Variants in CHGA observed in about 807,000 individuals in gnomAD.
The protein encoded by CHGA is chromogranin A, also known as chromogranin-A.
CHGA carries 41 observed loss-of-function variants against 54.4 expected under a neutral mutation model. That is an observed-to-expected ratio of 0.75 (90% CI 0.59 to 0.98). CHGA has a LOEUF of 0.98. Ranked by LOEUF, CHGA falls within the 50% of genes least tolerant of loss-of-function variation. CHGA has a pLI of 0.00. For synonymous variants in CHGA, 249 were observed against 232.8 expected (o/e 1.07, Z -0.63); for missense variants, 576 against 582.3 (o/e 0.99, Z 0.11).
In CHGA at chr14:92,931,359, G is replaced by A. The variant is rs779208725; in HGVS notation, c.465G>A (p.Pro155=). The A allele has an allele frequency of 1.1e-5, 18 of 1,613,366 alleles. No individual in the cohort carries two copies. Among genetic ancestry groups the A allele is most frequent in the Admixed American group, 1.7e-5 (1 of 59,990 alleles). ...ACGGAGCCAGGCCCCAGGCCCTCCC[G>A]GAGCCCATGCAGGAGTCCAAGGCTG... is the stretch of plus-strand genomic sequence containing the variant. ...ATDGARPQAL[P]EPMQESKAEG... Residue 155 remains proline (P), a synonymous_variant, in exon 6 of 8, where the codon CCG becomes CCA. Coordinates refer to ENST00000216492, the MANE Select transcript of CHGA (RefSeq NM_001275.4).
In CHGA at chr14:92,934,885, G is replaced by C. The variant is rs766816484; in HGVS notation, c.*1G>C. ...GCTGCAGGCACTACGGCGGGGCTGAGACACCGGCTGGCAGGGCTGGCCCCA... is the reference window on the plus strand; with the variant it reads ...GCTGCAGGCACTACGGCGGGGCTGACACACCGGCTGGCAGGGCTGGCCCCA... On this transcript the variant is annotated 3_prime_UTR_variant, in exon 8 of 8. Coordinates refer to ENST00000216492, the MANE Select transcript of CHGA (RefSeq NM_001275.4). The C allele has an allele frequency of 6.4e-7, 1 of 1,559,402 alleles. No individual in the cohort carries two copies. The highest frequency in any genetic ancestry group is 1.2e-5 in the South Asian group (1 of 83,430).
chr14:92,931,730 A>G (rs1887003500), intron 6 of CHGA, 28 bp downstream of exon 6: 1 of 1,536,440 alleles, frequency 6.5e-7, no homozygotes, highest in Non-Finnish European at 8.8e-7. Context: ...GACCTCAACG[A>G]ACGTGTCTGG....
intron 2 of CHGA, 55 bp from the exon 3 acceptor site, chr14:92,926,550 G>A (rs1173272988): frequency 1.4e-6 from 2 of 1,460,852 alleles, no homozygotes; most frequent in East Asian, 4.5e-5. Context: ...GAGCCTCCAG[G>A]GACTGAGCCC....
At position 92,932,631 on chromosome 14, in the gene CHGA, G is replaced by A. The variant is rs767989572; in HGVS notation, c.1070G>A (p.Arg357Gln). The A allele has an allele frequency of 6.0e-5, 95 of 1,592,516 alleles. No individual in the cohort carries two copies. In the Middle Eastern group the frequency reaches 8.4e-4, roughly 14 times the overall value. ...QLAKELTAEK[R>Q]LEGQEEEEDN... The stretch of plus-strand genomic sequence containing the variant: ...GCCAAGGAGCTGACGGCTGAGAAGC[G>A]GCTGGAGGGGCAGGAGGAGGAGGAG... Residue 357 changes from arginine (R) to glutamine (Q), a missense_variant, in exon 7 of 8, where the codon CGG becomes CAG. Physicochemically the swap from Arg to Gln is conservative, Grantham distance 43. Coordinates refer to ENST00000216492, the MANE Select transcript of CHGA (RefSeq NM_001275.4). The surrounding 1 kb of genome is among the most constrained non-coding windows in gnomAD (Gnocchi z 5.3).
chr14:92,924,950 C>T (rs1886858063), intron 2 of CHGA, among the ~76,000 whole-genome samples: 2 of 152,200 alleles, frequency 1.3e-5, no homozygotes, highest in Admixed American at 1.3e-4. Flanking sequence ...AGAGAAATTT[C>T]TACTCCCCAC....
At chr14:92,923,855 C>G (rs551190772) in intron 1 of CHGA, among the ~76,000 whole-genome samples, 1 of 142,766 alleles carries the variant, frequency 7.0e-6, no homozygotes, top group Admixed American at 6.8e-5. Flanking sequence ...CTTCCCCCGC[C>G]CCCCCCACCT....
At chr14:92,926,289 A>G in intron 2 of CHGA, 1 of 346,190 alleles carries the variant, frequency 2.9e-6, no homozygotes, top group African/African-American at 2.0e-5. Context: ...TTAGAGAAAT[A>G]GCACTTGGGG....
chr14:92,932,492 G>A lies in CHGA; in HGVS notation c.931G>A (p.Val311Met). The A allele has an allele frequency of 6.4e-7, 1 of 1,555,044 alleles. No homozygotes were observed. Among genetic ancestry groups the A allele is most frequent in the South Asian group, 1.2e-5 (1 of 84,258 alleles). The part of the protein sequence containing the change: ...QQKEEEEEMA[V>M]VPQGLFRGGK... The stretch of plus-strand genomic sequence containing the variant: ...GAAAGAGGAGGAGGAGGAGATGGCA[G>A]TGGTCCCGCAAGGCCTCTTCCGGGG... Residue 311 changes from valine (V) to methionine (M), a missense_variant, in exon 7 of 8, where the codon GTG (valine) becomes ATG (methionine). Physicochemically the swap from Val to Met is conservative, Grantham distance 21 (BLOSUM62 1). Transcript: ENST00000216492. The surrounding 1 kb of genome is among the most constrained non-coding windows in gnomAD (Gnocchi z 5.3).
intron 2 of CHGA, among the ~76,000 whole-genome samples, chr14:92,924,855 G>C (rs2139667026): frequency 6.6e-6 from 1 of 152,342 alleles, no homozygotes; most frequent in Admixed American, 6.5e-5. Flanking sequence ...ACCACGCTGG[G>C]TGTGTACTTG....
Position 92,932,266 on chromosome 14 carries a change from G to A in CHGA, c.809-104G>A. The A allele has an allele frequency of 7.1e-7, 1 of 1,413,604 alleles. No homozygotes were observed. The highest frequency in any genetic ancestry group is 2.7e-5 in the Admixed American group (1 of 37,010). The allele number at this position is 1,413,604 out of a possible 1,614,324, so 87.6% of individuals were successfully genotyped here. ...TCCCGCTAAGCGTCATCACTGTGGA[G>A]AGGCTGGGCTGTGGCCGCAGCAGAG... On this transcript the variant is annotated intron_variant, in intron 6 of 7. Coordinates refer to ENST00000216492, the MANE Select transcript of CHGA (RefSeq NM_001275.4). This position sits in a 1 kb window ranked among gnomAD's most constrained non-coding sequence, Gnocchi z 5.3.
At chr14:92,925,967 G>A (rs1160112782) in intron 2 of CHGA, 1 of 152,330 alleles carries the variant, frequency 6.6e-6, no homozygotes, top group Non-Finnish European at 1.5e-5. Flanking sequence ...TCAGAGGCGT[G>A]GCTGTGGTTG....
At position 92,929,779 on chromosome 14, in the gene CHGA, G is replaced by A; in HGVS notation, c.319G>A (p.Val107Ile). Residue 107 changes from valine to isoleucine, a missense_variant, in exon 5 of 8, where the codon GTT becomes ATT. By Grantham distance (29) the Val-to-Ile change is conservative. Coordinates refer to ENST00000216492, the MANE Select transcript of CHGA (RefSeq NM_001275.4). ...HSGFEDELSE[V>I]LENQSSQAEL... is the part of the protein sequence containing the mutation. ...CGGTTTTGAAGATGAACTCTCAGAG[G>A]TTCTTGAGAACCAGAGCAGCCAGGC... The A allele has an allele frequency of 1.9e-6, 3 of 1,613,348 alleles. No homozygotes were observed. The highest frequency in any genetic ancestry group is 2.5e-6 in the Non-Finnish European group (3 of 1,180,028).
intron 7 of CHGA, 65 bp from the exon 8 acceptor site, chr14:92,934,736 T>G (rs546620404): frequency 7.7e-7 from 1 of 1,301,814 alleles, no homozygotes; most frequent in South Asian, 1.3e-5. Context: ...AGCGCCTTTC[T>G]GGCTTACTGT....
At chr14:92,923,497 A>G (rs950442817) in intron 1 of CHGA, 92 bp downstream of exon 1, 15 of 1,117,210 alleles carry the variant, frequency 1.3e-5, no homozygotes, top group Non-Finnish European at 1.6e-5. Context: ...GCACCCCTCC[A>G]CACTTCCCTT....
At chr14:92,926,486 G>A in intron 2 of CHGA, 119 bp from the exon 3 acceptor site, 1 of 753,546 alleles carries the variant, frequency 1.3e-6, no homozygotes, top group Non-Finnish European at 2.3e-6. Context: ...CAGGGATCAT[G>A]GACTCCCAAA....
chr14:92,926,514 T>C, intron 2 of CHGA, 91 bp from the exon 3 acceptor site: 1 of 1,040,224 alleles, frequency 9.6e-7, no homozygotes, highest in East Asian at 2.4e-5. Context: ...GCAAATACCC[T>C]CTGTCCTCAC....
At chr14:92,933,879 C>T (rs183145112) in intron 7 of CHGA, among the ~76,000 whole-genome samples, 5 of 152,138 alleles carry the variant, frequency 3.3e-5, no homozygotes, top group Non-Finnish European at 2.9e-5. Context: ...GACCGCAGGG[C>T]AGAGAAACTG....
At chr14:92,929,655 C>T in intron 4 of CHGA, 62 bp from the exon 5 acceptor site, 2 of 1,487,156 alleles carry the variant, frequency 1.3e-6, no homozygotes, top group Non-Finnish European at 1.9e-6. Context: ...GGTCTTCACT[C>T]TTATAGACAA....
At chr14:92,927,706 C>A in intron 4 of CHGA, 88 bp downstream of exon 4, 1 of 1,030,172 alleles carries the variant, frequency 9.7e-7, no homozygotes. Context: ...AAGTTCCTCT[C>A]TGGGACTGTC....
Sources: allele counts gnomAD v4.1 joint callset (sites outside exome capture counted in the v4.1 genomes callset), GRCh38; gene constraint gnomAD v4.1.1; non-coding constraint Gnocchi (gnomAD v3.1); transcripts MANE v1.5; gene names NCBI Gene and HGNC (gene_info 2026-07-23, HGNC 2026-07-21).